FOXP2: variants seen among roughly 807,000 people sequenced by gnomAD.
The protein encoded by FOXP2 is forkhead box protein P2.
A neutral mutation model predicts 115.8 loss-of-function variants in FOXP2; 12 were observed. The observed-to-expected ratio is 0.10, with a 90% CI of 0.07 to 0.17. FOXP2 has a LOEUF of 0.17. Ranked by LOEUF, FOXP2 falls within the 10% of genes least tolerant of loss-of-function variation. The probability of loss-of-function intolerance (pLI) is 1.00; values close to 1 mark genes in which losing one functional copy is unlikely to be tolerated. For synonymous variants in FOXP2, 328 were observed against 297.7 expected, an observed-to-expected ratio of 1.10 and a Z score of -1.05; for missense variants, 629 against 843.5, an observed-to-expected ratio of 0.75 and a Z score of 3.15.
At chr7:114,494,202 A>C (rs1344224960) in intron 2 of FOXP2, among the ~76,000 whole-genome samples, 3 of 152,216 alleles carry the variant, frequency 2.0e-5, no homozygotes, top group Non-Finnish European at 4.4e-5. Flanking sequence ...CTTTATAAAA[A>C]CTTAAAGTAT....
intron 2 of FOXP2, among the ~76,000 whole-genome samples, chr7:114,502,492 G>C (rs180903014): frequency 1.3e-5 from 2 of 152,028 alleles, no homozygotes; most frequent in Non-Finnish European, 2.9e-5. Flanking sequence ...AATTTTTATG[G>C]AAGGCTGAAA....
At chr7:114,377,775 A>T (rs1462176263) in intron 2 of FOXP2, among the ~76,000 whole-genome samples, 1 of 152,230 alleles carries the variant, frequency 6.6e-6, no homozygotes, top group Non-Finnish European at 1.5e-5. Context: ...TTATTTTAAG[A>T]AACAAAAATT....
chr7:114,211,483 T>TG (rs1380665588), intron 1 of FOXP2, among the ~76,000 whole-genome samples: 1 of 152,218 alleles, frequency 6.6e-6, no homozygotes, highest in African/African-American at 2.4e-5. Flanking sequence ...CTGGATGGGC[T>TG]GTCACCCCTG....
chr7:114,143,960 T>C (rs1199902635), intron 1 of FOXP2, among the ~76,000 whole-genome samples: 1 of 152,150 alleles, frequency 6.6e-6, no homozygotes, highest in Non-Finnish European at 1.5e-5. Context: ...TTTCTGATTT[T>C]AGGATGGTGC....
At chr7:114,172,399 C>A (rs1216826849) in intron 1 of FOXP2, among the ~76,000 whole-genome samples, 1 of 152,146 alleles carries the variant, frequency 6.6e-6, no homozygotes, top group Non-Finnish European at 1.5e-5. Context: ...TATGGTAGTG[C>A]AGCCATTCTC....
At chr7:114,127,269 T>C (rs1372378746) in intron 1 of FOXP2, among the ~76,000 whole-genome samples, 1 of 152,184 alleles carries the variant, frequency 6.6e-6, no homozygotes, top group Admixed American at 6.5e-5. Flanking sequence ...TACACTCTTA[T>C]GTAACAATCA....
At position 114,089,723 on chromosome 7, in the gene FOXP2, T is replaced by C. The variant is rs191505784; in HGVS notation, c.-247+1885T>C. ...AAAATAGGGAGGAAATAGTTGTATG[T>C]GGCACACCATAAAAGTAGAAAAAGG... On this transcript the variant is annotated intron_variant, in intron 1 of 19. Transcript: ENST00000635638. Among the ~76,000 whole-genome samples the C allele has an allele frequency of 3.5e-3, 539 of 152,064 alleles. 1 individual carries two copies. The highest frequency in any genetic ancestry group is 4.9e-3 in the Non-Finnish European group (333 of 67,842).
chr7:114,409,570 A>T (rs887058021), upstream of FOXP2, among the ~76,000 whole-genome samples: 1 of 152,140 alleles, frequency 6.6e-6, no homozygotes, highest in Non-Finnish European at 1.5e-5. Context: ...TATGAATATT[A>T]ACTGATTATT....
At chr7:114,164,326 T>C (rs558595932) in intron 1 of FOXP2, among the ~76,000 whole-genome samples, 2 of 152,060 alleles carry the variant, frequency 1.3e-5, no homozygotes, top group South Asian at 4.2e-4. Flanking sequence ...TGGACTTAGA[T>C]GTTCAGTTCA....
intron 2 of FOXP2, among the ~76,000 whole-genome samples, chr7:114,428,979 C>T (rs962935545): frequency 6.6e-6 from 1 of 151,474 alleles, no homozygotes; most frequent in Non-Finnish European, 1.5e-5. Context: ...TGACCAAGAT[C>T]TTTTGTTTAG....
At chr7:114,392,850 G>C (rs1208950303) in intron 2 of FOXP2, among the ~76,000 whole-genome samples, 1 of 152,188 alleles carries the variant, frequency 6.6e-6, no homozygotes, top group East Asian at 1.9e-4. Context: ...GTGCCAGTTG[G>C]TTAAGGCCTC....
intron 2 of FOXP2, among the ~76,000 whole-genome samples, chr7:114,347,410 G>A (rs1791373848): frequency 6.6e-6 from 1 of 151,734 alleles, no homozygotes; most frequent in Non-Finnish European, 1.5e-5. Flanking sequence ...ACTCATTTTT[G>A]CATTTTATAC....
chr7:114,289,189 T>C (rs1395450077), intron 2 of FOXP2, among the ~76,000 whole-genome samples: 2 of 151,876 alleles, frequency 1.3e-5, no homozygotes, highest in African/African-American at 4.8e-5. Flanking sequence ...CAGATAGACA[T>C]TAAAATGATC....
At position 114,629,956 on chromosome 7, in the gene FOXP2, A is replaced by G. The variant is rs771840840; in HGVS notation, c.548A>G (p.Gln183Arg). ...CAGCAGCAACAACAGCAGCAGCAGCAGCAACAGCAGCAGCAGCAGCAACAG... is the reference window on the plus strand; with the variant it reads ...CAGCAGCAACAACAGCAGCAGCAGCGGCAACAGCAGCAGCAGCAGCAACAG... ...QQQQQQQQQQ[Q>R]QQQQQQQQHP... The change falls in exon 5 of 17, where the codon CAG becomes CGG. Residue 183 changes from glutamine (Q) to arginine (R), a missense_variant. By Grantham distance (43) the Gln-to-Arg change is conservative. Coordinates refer to ENST00000350908, the MANE Select transcript of FOXP2 (RefSeq NM_014491.4). 11 of 1,612,010 alleles carry G rather than the reference A, an allele frequency of 6.8e-6. No homozygotes were observed. The highest frequency in any genetic ancestry group is 9.3e-6 in the Non-Finnish European group (11 of 1,179,136).
chr7:114,519,815 G>T (rs1798525032), intron 2 of FOXP2, among the ~76,000 whole-genome samples: 1 of 152,090 alleles, frequency 6.6e-6, no homozygotes, highest in African/African-American at 2.4e-5. Context: ...ATTTCTCCAA[G>T]ATTACGAAGT....
chr7:114,434,455 G>T (rs1351135031), intron 2 of FOXP2, among the ~76,000 whole-genome samples: 2 of 148,368 alleles, frequency 1.3e-5, no homozygotes, highest in African/African-American at 2.5e-5. Context: ...GGGGGATAAG[G>T]TACAGCAATT....
chr7:114,095,784 T>C (rs1043038692), intron 1 of FOXP2, among the ~76,000 whole-genome samples: 1 of 152,198 alleles, frequency 6.6e-6, no homozygotes, highest in Non-Finnish European at 1.5e-5. Context: ...ACTTCGTCTT[T>C]TTAAAATTAG....
intron 1 of FOXP2, among the ~76,000 whole-genome samples, chr7:114,141,813 A>G (rs749533275): frequency 1.3e-5 from 2 of 152,212 alleles, no homozygotes; most frequent in African/African-American, 2.4e-5. Context: ...GCCATGGGCT[A>G]CAGGTATAAA....
At chr7:114,618,652 T>C (rs1451082231) in intron 3 of FOXP2, among the ~76,000 whole-genome samples, 1 of 152,194 alleles carries the variant, frequency 6.6e-6, no homozygotes, top group East Asian at 1.9e-4. Flanking sequence ...AATGTGCTCA[T>C]AGAACACTAT....
Sources: gnomAD v4.1 joint callset for allele counts (sites outside exome capture counted in the v4.1 genomes callset) on GRCh38, gnomAD v4.1.1 for gene constraint, MANE v1.5 for transcripts, NCBI Gene and HGNC (gene_info 2026-07-23, HGNC 2026-07-21) for gene names.